Variants in DYNC2LI1 observed in about 807,000 individuals in gnomAD.
The protein encoded by DYNC2LI1 is dynein cytoplasmic 2 light intermediate chain 1, also known as cytoplasmic dynein 2 light intermediate chain 1.
DYNC2LI1 carries 45 observed loss-of-function variants against 51.9 expected under a neutral mutation model. That is an observed-to-expected ratio of 0.87 (90% CI 0.68 to 1.11). DYNC2LI1 has a LOEUF of 1.11. DYNC2LI1 is among the 50% of genes most tolerant of loss of function. DYNC2LI1 has a pLI of 0.00. For synonymous variants in DYNC2LI1, 130 were observed against 137.8 expected, an observed-to-expected ratio of 0.94 and a Z score of 0.40; for missense variants, 490 against 417.4, an observed-to-expected ratio of 1.17 and a Z score of -1.51.
At chr2:43,817,585 C>A in the DYNC2LI1 span, among the ~76,000 whole-genome samples, 1 of 151,992 alleles carries the variant, frequency 6.6e-6, no homozygotes, top group Admixed American at 6.6e-5. Context: ...TCCAGATAAA[C>A]CCATCATAAG....
At chr2:43,822,404 G>A in the DYNC2LI1 span, 2 of 511,156 alleles carry the variant, frequency 3.9e-6, no homozygotes, top group East Asian at 1.5e-4. Flanking sequence ...TCTGTTGGTT[G>A]CTGTCCTCTT....
In DYNC2LI1 at chr2:43,787,244, C is replaced by T. The variant is rs1451728729; in HGVS notation, c.225C>T (p.His75=). 1 of 1,612,358 alleles carries T rather than the reference C, an allele frequency of 6.2e-7. No homozygotes were observed. The highest frequency in any genetic ancestry group is 2.2e-5 in the East Asian group (1 of 44,806). Reference sequence around the variant, plus strand: ...CATATGGAAGAAGAGCAAAAGGGCACAACACAGTAAGTGTCTTTTAAAGTG... The same window carrying T: ...CATATGGAAGAAGAGCAAAAGGGCATAACACAGTAAGTGTCTTTTAAAGTG... ...EYTYGRRAKG[H]NTPKDIAHFW... is the part of the protein sequence containing the mutation. Residue 75 remains histidine, a synonymous_variant, in exon 4 of 13, where the codon CAC becomes CAT. Coordinates refer to ENST00000260605, the MANE Select transcript of DYNC2LI1 (RefSeq NM_016008.4).
At position 43,789,647 on chromosome 2, in the gene DYNC2LI1, T is replaced by C. The variant is rs753521543; in HGVS notation, c.246T>C (p.Ala82=). The C allele has an allele frequency of 6.2e-7, 1 of 1,613,792 alleles. No homozygotes were observed. Among genetic ancestry groups the C allele is most frequent in the East Asian group, 2.2e-5 (1 of 44,860 alleles). ...AKGHNTPKDI[A]HFWELGGGTS... is the part of the protein sequence containing the mutation. The stretch of plus-strand genomic sequence containing the variant: ...TTGTTTTTCAGCCAAAAGATATCGC[T>C]CACTTTTGGGAACTCGGTGGAGGAA... The change falls in exon 5 of 13, where the codon GCT becomes GCC. Residue 82 remains alanine, a synonymous_variant. Transcript: ENST00000260605.
rs201893591 is a variant in DYNC2LI1, at chr2:43,776,032, TTTC to T, written c.9-738_9-736del. On this transcript the variant is annotated intron_variant, in intron 1 of 12. Transcript: ENST00000260605. ...AGCCAATTTTTTTTGTTTGTTTTCT[TTTC>T]TTCTTCTTCTTTTTTTATACTTTAA... Among the ~76,000 whole-genome samples, 1,214 of 151,882 alleles carry T rather than the reference TTTC, an allele frequency of 8.0e-3. 16 individuals carry two copies. Among genetic ancestry groups the T allele is most frequent in the African/African-American group, 0.027 (1,117 of 41,374 alleles).
intron 8 of DYNC2LI1, among the ~76,000 whole-genome samples, chr2:43,800,163 G>A (rs7594731): frequency 0.26 from 39,422 of 152,016 alleles, 5,469 homozygotes; most frequent in Middle Eastern, 0.39. Context: ...AAGATCTGTA[G>A]GGTAACCATA....
chr2:43,814,409 C>T, downstream of DYNC2LI1: 2 of 1,001,932 alleles, frequency 2.0e-6, no homozygotes, highest in Non-Finnish European at 3.1e-6. Flanking sequence ...TTCAAAAATA[C>T]ATTTCCTCCA....
the DYNC2LI1 span, chr2:43,819,766 T>C: frequency 1.1e-5 from 9 of 848,934 alleles, no homozygotes; most frequent in Admixed American, 4.3e-5. Context: ...TCTAAGGCAA[T>C]GATTAACGAG....
intron 7 of DYNC2LI1, among the ~76,000 whole-genome samples, chr2:43,796,373 A>G (rs960957409): frequency 6.6e-6 from 1 of 152,064 alleles, no homozygotes; most frequent in Non-Finnish European, 1.5e-5. Context: ...TCACTGGGGA[A>G]TATGACTTAC....
chr2:43,794,761 G>T, intron 6 of DYNC2LI1, 118 bp downstream of exon 6: 3 of 1,556,556 alleles, frequency 1.9e-6, no homozygotes, highest in South Asian at 2.4e-5. Flanking sequence ...TGATGTAGAT[G>T]AACCTGTTCA....
At chr2:43,807,395 A>T in intron 12 of DYNC2LI1, among the ~76,000 whole-genome samples, 1 of 152,246 alleles carries the variant, frequency 6.6e-6, no homozygotes, top group South Asian at 2.1e-4. Flanking sequence ...TTTTAAGGGA[A>T]TGCGAATGTG....
At chr2:43,811,739 C>A (rs182279422), downstream of DYNC2LI1, among the ~76,000 whole-genome samples, 3 of 152,002 alleles carry the variant, frequency 2.0e-5, no homozygotes, top group African/African-American at 7.2e-5. Flanking sequence ...GGACTACAGG[C>A]GCCTGCCACC....
rs1208699243 is a variant in DYNC2LI1, at chr2:43,795,938, A to C, written c.556A>C (p.Ser186Arg). The change falls in exon 7 of 13, where the codon AGT (serine) becomes CGT (arginine). Residue 186 changes from serine to arginine, a missense_variant. Transcript: ENST00000260605. ...TCCGGTACCTCTGGTCATAATTGGA[A>C]GTAAATATGATGTTTTTCAGGTAAG... ...PFPVPLVIIGSKYDVFQDFES... is the reference protein window; with the variant it reads ...PFPVPLVIIGRKYDVFQDFES... 2.5e-6 allele frequency: 4 copies of C among 1,613,020 alleles called. No homozygotes were observed. In the African/African-American group the frequency reaches 5.3e-5, roughly 22 times the overall value.
intron 9 of DYNC2LI1, 81 bp downstream of exon 9, chr2:43,800,998 A>G: frequency 2.3e-6 from 2 of 872,952 alleles, no homozygotes; most frequent in Non-Finnish European, 3.4e-6. Flanking sequence ...TGTTCTACTC[A>G]GTCTCTTGTG....
At chr2:43,818,846 T>A in the DYNC2LI1 span, among the ~76,000 whole-genome samples, 1 of 152,192 alleles carries the variant, frequency 6.6e-6, no homozygotes, top group Non-Finnish European at 1.5e-5. Context: ...TCATGATCCC[T>A]TGAGGCAGGT....
At chr2:43,783,277 G>C (rs565554726) in intron 2 of DYNC2LI1, among the ~76,000 whole-genome samples, 16 of 152,290 alleles carry the variant, frequency 1.1e-4, no homozygotes, top group Admixed American at 4.6e-4. Flanking sequence ...GCTAGTATTT[G>C]TCATCTGTGG....
chr2:43,802,679 C>T (rs768441716), intron 10 of DYNC2LI1, among the ~76,000 whole-genome samples: 4 of 151,988 alleles, frequency 2.6e-5, no homozygotes, highest in Admixed American at 6.6e-5. Context: ...AAAATCATGG[C>T]GCCTAGATCT....
intron 8 of DYNC2LI1, among the ~76,000 whole-genome samples, chr2:43,799,836 A>G (rs115379928): frequency 0.012 from 1,865 of 152,326 alleles, 46 homozygotes; most frequent in African/African-American, 0.041. Context: ...AGTTTTCTGT[A>G]TGTATTTTAA....
intron 1 of DYNC2LI1, 27 bp downstream of exon 1, chr2:43,774,173 G>A: frequency 6.2e-7 from 1 of 1,613,170 alleles, no homozygotes; most frequent in Admixed American, 1.7e-5. Flanking sequence ...GCTTGCGTGG[G>A]AAAGGCTACT....
At chr2:43,780,526 A>G (rs1673228033) in intron 2 of DYNC2LI1, among the ~76,000 whole-genome samples, 1 of 152,138 alleles carries the variant, frequency 6.6e-6, no homozygotes, top group Non-Finnish European at 1.5e-5. Context: ...GAGGACCCTA[A>G]TGTATGTAGG....
Sources: gnomAD v4.1 joint callset for allele counts (sites outside exome capture counted in the v4.1 genomes callset) on GRCh38, gnomAD v4.1.1 for gene constraint, MANE v1.5 for transcripts, NCBI Gene and HGNC (gene_info 2026-07-23, HGNC 2026-07-21) for gene names.